Variants in CNBD2 observed in about 807,000 individuals in gnomAD.
CNBD2 encodes cyclic nucleotide binding domain containing 2.
In CNBD2, 64 loss-of-function variants were observed where a neutral mutation model predicts 63.7. The ratio of observed to expected loss-of-function variants is 1.00; its 90% CI spans 0.82 to 1.24. The LOEUF is 1.24. Ranked by LOEUF, CNBD2 falls within the 50% of genes most tolerant of loss-of-function variation. CNBD2 has a pLI of 0.00. For missense variants in CNBD2, 691 were observed against 713.5 expected (o/e 0.97, Z 0.36); for synonymous variants, 229 against 255.4 (o/e 0.90, Z 0.99).
chr20:35,973,064 G>T (rs1454684181), intron 2 of CNBD2: 6 of 488,574 alleles, frequency 1.2e-5, no homozygotes, highest in Non-Finnish European at 2.1e-5. Flanking sequence ...AAAACTCATG[G>T]CAGGGAAAGG....
At chr20:35,972,406 A>G (rs2056432311) in intron 1 of CNBD2, among the ~76,000 whole-genome samples, 1 of 152,194 alleles carries the variant, frequency 6.6e-6, no homozygotes, top group African/African-American at 2.4e-5. Flanking sequence ...AGTAGCTGCC[A>G]ATTTCTATGG....
In CNBD2 at chr20:35,985,295, G is replaced by A. The variant is rs192335947; in HGVS notation, c.716+517G>A. On this transcript the variant is annotated intron_variant, in intron 6 of 11. Coordinates refer to ENST00000373973, the MANE Select transcript of CNBD2 (RefSeq NM_001365709.1). ...GCCTGGGCAACAGAGTGTGGTCCTAGTAGCTAGGACTGTAGGTGTGCTGCC... is the reference window on the plus strand; with the variant it reads ...GCCTGGGCAACAGAGTGTGGTCCTAATAGCTAGGACTGTAGGTGTGCTGCC... 3.5e-3 allele frequency among the ~76,000 whole-genome samples: 537 copies of A among 151,840 alleles called. 1 individual carries two copies. Among genetic ancestry groups the A allele is most frequent in the Middle Eastern group, 0.02 (6 of 294 alleles).
intron 7 of CNBD2, among the ~76,000 whole-genome samples, chr20:35,988,451 G>GTTA (rs1193331456): frequency 2.0e-5 from 3 of 152,174 alleles, no homozygotes; most frequent in Non-Finnish European, 4.4e-5. Flanking sequence ...GATTACAGAT[G>GTTA]TTAGCCACCA....
chr20:36,019,742 G>A (rs1233044956), intron 10 of CNBD2, among the ~76,000 whole-genome samples: 3 of 151,970 alleles, frequency 2.0e-5, no homozygotes, highest in African/African-American at 7.2e-5. Flanking sequence ...GACAGCCCAG[G>A]CCTTAGGCGG....
intron 10 of CNBD2, among the ~76,000 whole-genome samples, chr20:36,013,942 G>T (rs1024291895): frequency 1.3e-5 from 2 of 152,070 alleles, no homozygotes; most frequent in Non-Finnish European, 2.9e-5. Context: ...AGCACTTTGG[G>T]AGGCCGAGGA....
At chr20:36,026,052 G>A (rs796073351) in intron 11 of CNBD2, among the ~76,000 whole-genome samples, 2 of 152,150 alleles carry the variant, frequency 1.3e-5, no homozygotes, top group African/African-American at 4.8e-5. Context: ...GTGTGTGTGA[G>A]AGATGGGGTC....
At chr20:35,964,985 G>A (rs6060724), upstream of CNBD2, among the ~76,000 whole-genome samples, 8,082 of 152,210 alleles carry the variant, frequency 0.053, 305 homozygotes, top group South Asian at 0.21. Context: ...ACATACGTGA[G>A]CCACCATGCC....
chr20:35,997,295 G>T (rs1282679870), intron 8 of CNBD2, among the ~76,000 whole-genome samples: 1 of 152,170 alleles, frequency 6.6e-6, no homozygotes, highest in African/African-American at 2.4e-5. Context: ...CCTCCCCAAG[G>T]ATTGCCTTAT....
downstream of CNBD2, among the ~76,000 whole-genome samples, chr20:35,956,952 G>T (rs2056262407): frequency 1.3e-5 from 2 of 152,218 alleles, no homozygotes; most frequent in African/African-American, 2.4e-5. Flanking sequence ...GGTGAGAGAT[G>T]AGGTTGGAAC....
At chr20:35,976,897 T>G (rs1018145039) in intron 3 of CNBD2, among the ~76,000 whole-genome samples, 17 of 152,294 alleles carry the variant, frequency 1.1e-4, no homozygotes, top group African/African-American at 3.8e-4. Context: ...CAGGGCCACC[T>G]GTGCCCATCT....
At chr20:36,001,578 G>A (rs1453820212) in intron 8 of CNBD2, among the ~76,000 whole-genome samples, 1 of 151,492 alleles carries the variant, frequency 6.6e-6, no homozygotes, top group Non-Finnish European at 1.5e-5. Context: ...CTGCCGGGCG[G>A]AGGGGCTCCT....
chr20:35,995,249 C>T, intron 8 of CNBD2, 97 bp downstream of exon 8: 1 of 796,730 alleles, frequency 1.3e-6, no homozygotes, highest in Non-Finnish European at 2.1e-6. Context: ...GTCAGCCAGC[C>T]TGACAGCGTA....
chr20:35,984,338 T>G (rs1051247818), intron 5 of CNBD2, among the ~76,000 whole-genome samples, 200 bp downstream of exon 5: 1 of 152,230 alleles, frequency 6.6e-6, no homozygotes, highest in African/African-American at 2.4e-5. Context: ...AGAAGTATGT[T>G]CCTGATACAG....
chr20:35,989,904 G>A (rs868103654), intron 7 of CNBD2, among the ~76,000 whole-genome samples: 1 of 150,064 alleles, frequency 6.7e-6, no homozygotes, highest in East Asian at 2.0e-4. Context: ...GGGGAGGGGA[G>A]GGGAGGGGGA....
chr20:36,001,889 C>A (rs1332837352), intron 8 of CNBD2, among the ~76,000 whole-genome samples: 3 of 150,330 alleles, frequency 2.0e-5, no homozygotes, highest in African/African-American at 7.4e-5. Context: ...GGCGGCCGGG[C>A]AGAGACGCTC....
intron 10 of CNBD2, among the ~76,000 whole-genome samples, chr20:36,018,739 G>T (rs1196159946): frequency 6.6e-6 from 1 of 152,232 alleles, no homozygotes; most frequent in African/African-American, 2.4e-5. Flanking sequence ...GGCAGGCTGA[G>T]GCCTCTGAGG....
At chr20:36,023,839 A>G in intron 11 of CNBD2, 68 bp downstream of exon 11, 1 of 1,380,320 alleles carries the variant, frequency 7.2e-7, no homozygotes, top group Non-Finnish European at 9.8e-7. Flanking sequence ...TTATTTTAGT[A>G]AAAGAAGGAA....
At chr20:35,954,523 A>ACCCGGAAGCCGCTTGCGGGCT (rs1286431746), upstream of CNBD2, 18 of 1,525,006 alleles carry the variant, frequency 1.2e-5, no homozygotes, top group Middle Eastern at 1.7e-4. Context: ...GCGCGCGAGC[A>ACCCGGAAGCCGCTTGCGGGCT]CCCGGAAGCC....
chr20:35,983,436 A>G (rs1300450657), intron 4 of CNBD2, among the ~76,000 whole-genome samples: 1 of 152,090 alleles, frequency 6.6e-6, no homozygotes, highest in Non-Finnish European at 1.5e-5. Flanking sequence ...CCTCTACCCC[A>G]AGGGTGCCCA....
Sources: gnomAD v4.1 joint callset for allele counts (sites outside exome capture counted in the v4.1 genomes callset) on GRCh38, gnomAD v4.1.1 for gene constraint, MANE v1.5 for transcripts, NCBI Gene and HGNC (gene_info 2026-07-23, HGNC 2026-07-21) for gene names.